The following METTL16 variants were observed in gnomAD, a reference collection of about 807,000 sequenced individuals.
The protein encoded by METTL16 is methyltransferase 16, RNA N6-adenosine, also known as RNA N(6)-adenosine-methyltransferase METTL16.
A neutral mutation model predicts 57.9 loss-of-function variants in METTL16; 19 were observed. That is an observed-to-expected ratio of 0.33 (90% CI 0.23 to 0.48). The LOEUF (loss-of-function observed/expected upper bound fraction) is 0.48, where lower values mean the gene tolerates loss of function less well. Among genes scored for constraint, METTL16 ranks in the 20% least tolerant of loss-of-function variants. The pLI is 0.99. For missense variants in METTL16, 434 were observed against 691.5 expected, an observed-to-expected ratio of 0.63 and a Z score of 4.18; for synonymous variants, 246 against 255.6, an observed-to-expected ratio of 0.96 and a Z score of 0.36.
chr17:2,433,405 G>A (rs760781458), intron 8 of METTL16, among the ~76,000 whole-genome samples: 6 of 151,452 alleles, frequency 4.0e-5, no homozygotes, highest in Non-Finnish European at 8.8e-5. Context: ...TGGCCACTCA[G>A]GAGTGGGTGA....
intron 2 of METTL16, among the ~76,000 whole-genome samples, chr17:2,478,164 CTG>C (rs2067280412): frequency 6.6e-6 from 1 of 152,226 alleles, no homozygotes; most frequent in South Asian, 2.1e-4. Context: ...CGTCTCCTCA[CTG>C]TGTGACTTTG....
chr17:2,492,073 T>C (rs532324397), intron 2 of METTL16, among the ~76,000 whole-genome samples: 5 of 150,768 alleles, frequency 3.3e-5, no homozygotes, highest in Admixed American at 6.6e-5. Context: ...TAGCCGGGCG[T>C]GGTGGCGGGT....
chr17:2,459,828 C>T (rs2067137426), intron 6 of METTL16: 1 of 152,114 alleles, frequency 6.6e-6, no homozygotes, highest in African/African-American at 2.4e-5. Context: ...ATGGAGAAAT[C>T]CTGTCTCTAC....
chr17:2,477,626 A>G, intron 3 of METTL16, 60 bp downstream of exon 3: 2 of 1,291,570 alleles, frequency 1.5e-6, no homozygotes, highest in South Asian at 2.4e-5. Context: ...TTTACAAAGA[A>G]TTTGATCTCG....
chr17:2,489,744 A>AAAAAAAAAAC (rs1204756186), intron 2 of METTL16, among the ~76,000 whole-genome samples: 5 of 150,490 alleles, frequency 3.3e-5, no homozygotes, highest in Non-Finnish European at 5.9e-5. Flanking sequence ...AAAAAAAAAA[A>AAAAAAAAAAC]AAAAACGAAT....
rs192780614 is a variant in METTL16 at position 2,467,340 on chromosome 17, C to T, written c.585+421G>A. Reference sequence around the variant, plus strand: ...ACCAGCTTGAGCAACACAGCGAGACCTCATCTCAAATATATTAATTTAAAA... The same window carrying T: ...ACCAGCTTGAGCAACACAGCGAGACTTCATCTCAAATATATTAATTTAAAA... On this transcript the variant is annotated intron_variant, in intron 5 of 9. Transcript: ENST00000263092. Among the ~76,000 whole-genome samples, 120 of 152,272 alleles carry T rather than the reference C, an allele frequency of 7.9e-4. 1 individual carries two copies. Among genetic ancestry groups the T allele is most frequent in the African/African-American group, 2.6e-3 (107 of 41,556 alleles).
chr17:2,457,429 G>A (rs1033609729), intron 6 of METTL16, among the ~76,000 whole-genome samples: 3 of 150,888 alleles, frequency 2.0e-5, no homozygotes, highest in Admixed American at 6.6e-5. Flanking sequence ...AAAATCGGCC[G>A]GGCACAGTGG....
chr17:2,489,834 T>C (rs1344781066), intron 2 of METTL16, among the ~76,000 whole-genome samples: 1 of 148,320 alleles, frequency 6.7e-6, no homozygotes, highest in African/African-American at 2.5e-5. Flanking sequence ...AGTCCAGTGA[T>C]AAAAGAGGAA....
intron 6 of METTL16, among the ~76,000 whole-genome samples, chr17:2,462,491 T>C (rs139543446): frequency 2.5e-4 from 38 of 152,326 alleles, no homozygotes; most frequent in Non-Finnish European, 4.4e-4. Flanking sequence ...CCAAATCTCA[T>C]GTCAAACTGT....
At chr17:2,492,269 C>T (rs1232490656) in intron 2 of METTL16, among the ~76,000 whole-genome samples, 1 of 152,088 alleles carries the variant, frequency 6.6e-6, no homozygotes, top group African/African-American at 2.4e-5. Context: ...TCTATTCAAG[C>T]TGAACTGACA....
intron 2 of METTL16, among the ~76,000 whole-genome samples, chr17:2,495,299 C>G (rs2151577399): frequency 6.6e-6 from 1 of 152,182 alleles, no homozygotes; most frequent in Non-Finnish European, 1.5e-5. Context: ...CCACTGCACT[C>G]TAGCCTGGGC....
chr17:2,450,978 T>G (rs575518176), intron 6 of METTL16, among the ~76,000 whole-genome samples: 1 of 152,294 alleles, frequency 6.6e-6, no homozygotes, highest in Non-Finnish European at 1.5e-5. Context: ...TTTTTATACA[T>G]CAAAAACTGT....
intron 8 of METTL16, among the ~76,000 whole-genome samples, chr17:2,431,092 T>G (rs760808386): frequency 6.6e-6 from 1 of 152,150 alleles, no homozygotes; most frequent in African/African-American, 2.4e-5. Context: ...ATTACAGGAA[T>G]GTGCCACCAT....
chr17:2,476,560 C>T (rs996282179), intron 3 of METTL16, among the ~76,000 whole-genome samples: 1 of 152,066 alleles, frequency 6.6e-6, no homozygotes, highest in Non-Finnish European at 1.5e-5. Flanking sequence ...CAATAAATGC[C>T]GCTGAAAAGA....
intron 8 of METTL16, among the ~76,000 whole-genome samples, chr17:2,425,945 G>A (rs890593122): frequency 6.7e-6 from 1 of 149,824 alleles, no homozygotes; most frequent in Non-Finnish European, 1.5e-5. Context: ...TCTCAATGAT[G>A]CCATCAGCCA....
intron 6 of METTL16, among the ~76,000 whole-genome samples, chr17:2,459,098 G>A (rs1240429590): frequency 6.6e-6 from 1 of 152,130 alleles, no homozygotes; most frequent in Non-Finnish European, 1.5e-5. Context: ...GAGCCATTGT[G>A]CCCGGACTGG....
chr17:2,429,035 T>G lies in METTL16; in HGVS notation c.889-8131A>C, dbSNP rs550945692. Among the ~76,000 whole-genome samples the G allele has an allele frequency of 4.2e-4, 64 of 151,448 alleles. No individual in the cohort carries two copies. In the East Asian group the frequency reaches 0.012, roughly 29 times the overall value. On this transcript the variant is annotated intron_variant, in intron 8 of 9. Transcript: ENST00000263092. ...CACCAGGCCTGGCTAATTTTGTATT[T>G]TTAGTAGAGACAGGGTTTCTCCATG...
intron 3 of METTL16, among the ~76,000 whole-genome samples, chr17:2,475,588 T>C (rs184098498): frequency 3.3e-5 from 5 of 152,350 alleles, no homozygotes; most frequent in East Asian, 1.9e-4. Flanking sequence ...AGTTTCTTAA[T>C]TCTTAAGACC....
intron 2 of METTL16, among the ~76,000 whole-genome samples, chr17:2,480,467 C>T (rs1362654843): frequency 6.6e-6 from 1 of 152,166 alleles, no homozygotes; most frequent in Non-Finnish European, 1.5e-5. Flanking sequence ...TGAAGAGACA[C>T]AGCCAGAGCC....
Sources: allele counts gnomAD v4.1 joint callset (sites outside exome capture counted in the v4.1 genomes callset), GRCh38; gene constraint gnomAD v4.1.1; transcripts MANE v1.5; gene names NCBI Gene and HGNC (gene_info 2026-07-23, HGNC 2026-07-21).